The following DACH2 variants were observed in gnomAD, a reference collection of about 807,000 sequenced individuals.
The protein encoded by DACH2 is dachshund homolog 2.
DACH2 carries 17 observed loss-of-function variants against 35.8 expected under a neutral mutation model. The observed-to-expected ratio is 0.48, with a 90% CI of 0.33 to 0.71. The LOEUF (loss-of-function observed/expected upper bound fraction) is 0.71. Among genes scored for constraint, DACH2 ranks in the 30% least tolerant of loss-of-function variants. DACH2 has a pLI of 0.02. For missense variants in DACH2, 469 were observed against 472.7 expected, an observed-to-expected ratio of 0.99 and a Z score of 0.07; for synonymous variants, 195 against 177.3, an observed-to-expected ratio of 1.10 and a Z score of -0.79.
chrX:86,778,543 T>C (rs2042057949), intron 7 of DACH2, among the ~76,000 whole-genome samples: 1 of 112,267 alleles, frequency 8.9e-6, no homozygotes, highest in African/African-American at 3.2e-5. Context: ...AATTATTAAA[T>C]GAATACTATT....
At chrX:86,436,043 C>A (rs1021082622) in intron 2 of DACH2, among the ~76,000 whole-genome samples, 1 of 110,941 alleles carries the variant, frequency 9.0e-6, no homozygotes, top group Admixed American at 9.7e-5. Flanking sequence ...TATTTTAGTA[C>A]AAATATCTTC....
At chrX:86,210,285 C>G (rs1042883622) in intron 1 of DACH2, among the ~76,000 whole-genome samples, 2 of 111,725 alleles carry the variant, frequency 1.8e-5, no homozygotes, top group Admixed American at 1.9e-4. Flanking sequence ...TGATTACTAT[C>G]TCTATTTTTT....
At chrX:86,754,147 A>G (rs1358283175) in intron 7 of DACH2, among the ~76,000 whole-genome samples, 1 of 111,896 alleles carries the variant, frequency 8.9e-6, no homozygotes, top group African/African-American at 3.2e-5. Flanking sequence ...AGATTTTTAA[A>G]GTACCAAATA....
intron 3 of DACH2, among the ~76,000 whole-genome samples, chrX:86,570,300 C>A (rs999239953): frequency 9.0e-6 from 1 of 111,406 alleles, no homozygotes; most frequent in Non-Finnish European, 1.9e-5. Context: ...ATGTTCATTG[C>A]AGCACTATTC....
chrX:86,707,915 A>AAAAAAAAAAAAAAAAAAAAAAAAAAAC, intron 5 of DACH2, among the ~76,000 whole-genome samples: 1 of 99,019 alleles, frequency 1.0e-5, no homozygotes, highest in African/African-American at 3.8e-5. Context: ...CTCCATCTAA[A>AAAAAAAAAAAAAAAAAAAAAAAAAAAC]AAAAAAAAAA....
At chrX:86,207,645 T>A (rs1186233764) in intron 1 of DACH2, among the ~76,000 whole-genome samples, 10 of 111,823 alleles carry the variant, frequency 8.9e-5, no homozygotes, top group African/African-American at 1.6e-4. Flanking sequence ...ATCTAGAAAC[T>A]GTCAACAACA....
intron 1 of DACH2, among the ~76,000 whole-genome samples, chrX:86,215,634 C>T (rs144640747): frequency 2.2e-3 from 242 of 111,516 alleles, no homozygotes; most frequent in African/African-American, 7.7e-3. Flanking sequence ...TGAGGTTGTG[C>T]CACTTCAATT....
intron 7 of DACH2, among the ~76,000 whole-genome samples, chrX:86,808,952 T>G (rs909058817): frequency 5.4e-5 from 6 of 111,748 alleles, no homozygotes; most frequent in Admixed American, 9.5e-5. Context: ...TATATTTATC[T>G]TTTTTTCCTA....
At chrX:86,728,004 A>G (rs1073850) in intron 6 of DACH2, among the ~76,000 whole-genome samples, 30,963 of 110,991 alleles carry the variant, frequency 0.28, 3,280 homozygotes, top group East Asian at 0.48. Context: ...GAGGGCTCAA[A>G]ATAAGACAGA....
chrX:86,538,028 C>T (rs1602622513), intron 3 of DACH2, among the ~76,000 whole-genome samples: 2 of 110,748 alleles, frequency 1.8e-5, no homozygotes, highest in Admixed American at 9.7e-5. Context: ...ATGGCCCTAC[C>T]CCTATCTCCC....
chrX:86,311,769 C>G (rs2034805163), intron 1 of DACH2, among the ~76,000 whole-genome samples: 2 of 111,403 alleles, frequency 1.8e-5, no homozygotes. Context: ...CTCTTCCTAC[C>G]TTTAAGTTAA....
chrX:86,185,402 G>A (rs753426470), intron 1 of DACH2, among the ~76,000 whole-genome samples: 1 of 111,446 alleles, frequency 9.0e-6, no homozygotes, highest in Admixed American at 9.6e-5. Context: ...TTCCATGTAG[G>A]GGTAGGGAAT....
chrX:86,159,209 T>C (rs191036021), intron 1 of DACH2, among the ~76,000 whole-genome samples: 6 of 111,808 alleles, frequency 5.4e-5, no homozygotes, highest in Non-Finnish European at 9.4e-5. Flanking sequence ...GAGCATCATT[T>C]GCTTTGCATG....
intron 1 of DACH2, among the ~76,000 whole-genome samples, chrX:86,287,683 C>A (rs2034180670): frequency 8.9e-6 from 1 of 112,089 alleles, no homozygotes; most frequent in Non-Finnish European, 1.9e-5. Context: ...GACTCTAATG[C>A]ATTCTTCAGT....
intron 1 of DACH2, among the ~76,000 whole-genome samples, chrX:86,373,812 A>G (rs1273595385): frequency 9.0e-6 from 1 of 111,569 alleles, no homozygotes; most frequent in Admixed American, 9.6e-5. Context: ...GAAGTTCTTT[A>G]GAATCCAGTT....
chrX:86,392,951 T>C (rs2148120141), intron 2 of DACH2, among the ~76,000 whole-genome samples: 1 of 110,954 alleles, frequency 9.0e-6, no homozygotes, highest in African/African-American at 3.3e-5. Flanking sequence ...CAATGGGTGG[T>C]GGTGGTGCTA....
chrX:86,287,374 G>A (rs771067256), intron 1 of DACH2, among the ~76,000 whole-genome samples: 1 of 110,837 alleles, frequency 9.0e-6, no homozygotes, highest in South Asian at 3.8e-4. Flanking sequence ...TCTTCTTTGG[G>A]ATAAATCTAC....
intron 1 of DACH2, among the ~76,000 whole-genome samples, chrX:86,338,875 A>C: frequency 8.9e-6 from 1 of 112,223 alleles, no homozygotes; most frequent in Non-Finnish European, 1.9e-5. Context: ...AAAAAGTGAT[A>C]AAGGGGATAT....
At chrX:86,643,097 A>C (rs1190621691) in intron 3 of DACH2, among the ~76,000 whole-genome samples, 1 of 110,476 alleles carries the variant, frequency 9.1e-6, no homozygotes, top group Non-Finnish European at 1.9e-5. Flanking sequence ...GATGAGAAAT[A>C]ACAAAAATCA....
Sources: gnomAD v4.1 joint callset for allele counts (sites outside exome capture counted in the v4.1 genomes callset) on GRCh38, gnomAD v4.1.1 for gene constraint, MANE v1.5 for transcripts, NCBI Gene and HGNC (gene_info 2026-07-23, HGNC 2026-07-21) for gene names.